Variants in SLC22A15 observed in about 807,000 individuals in gnomAD.
SLC22A15 encodes solute carrier family 22 member 15, also known as flipt 1.
SLC22A15 carries 45 observed loss-of-function variants against 62.7 expected under a neutral mutation model. The observed-to-expected ratio is 0.72, with a 90% CI of 0.56 to 0.92. The LOEUF (loss-of-function observed/expected upper bound fraction) is 0.92. SLC22A15 is among the 40% of genes least tolerant of loss of function. SLC22A15 has a pLI of 0.00. For missense variants in SLC22A15, 622 were observed against 665.6 expected, an observed-to-expected ratio of 0.93 and a Z score of 0.72; for synonymous variants, 264 against 267.0, an observed-to-expected ratio of 0.99 and a Z score of 0.11.
chr1:116,022,124 G>A (rs1656866015), intron 4 of SLC22A15, among the ~76,000 whole-genome samples: 1 of 152,166 alleles, frequency 6.6e-6, no homozygotes, highest in Non-Finnish European at 1.5e-5. Flanking sequence ...AGGCTGGAGA[G>A]GAAGAGACAC....
intron 2 of SLC22A15, among the ~76,000 whole-genome samples, chr1:115,996,848 T>C (rs1655452595): frequency 6.6e-6 from 1 of 152,160 alleles, no homozygotes; most frequent in Non-Finnish European, 1.5e-5. Flanking sequence ...GTCCATTTCA[T>C]CTAAGTTGTC....
At chr1:116,033,865 C>T (rs990938960) in intron 6 of SLC22A15, among the ~76,000 whole-genome samples, 2 of 152,152 alleles carry the variant, frequency 1.3e-5, no homozygotes, top group Non-Finnish European at 2.9e-5. Context: ...AATAACACTT[C>T]ATCTCAGTAA....
chr1:115,978,509 C>T (rs1412335058), intron 1 of SLC22A15, among the ~76,000 whole-genome samples: 1 of 152,126 alleles, frequency 6.6e-6, no homozygotes, highest in Non-Finnish European at 1.5e-5. Flanking sequence ...GATTGTTTAT[C>T]TTATAGATGT....
Position 116,068,942 on chromosome 1 carries a change from C to T in SLC22A15, c.*1834C>T, listed in dbSNP as rs188746863. The T allele has an allele frequency of 1.0e-3, 152 of 152,296 alleles. 1 individual carries two copies. Among genetic ancestry groups the T allele is most frequent in the African/African-American group, 3.4e-3 (140 of 41,558 alleles). The allele number at this position is 152,296 out of a possible 1,614,324, so 9.4% of individuals were successfully genotyped here. A position where few individuals can be genotyped will look rare whatever the true frequency, so the allele number is the denominator to read the frequency against. ...TTTGTATTATAAGAGTAATATATCT[C>T]ATTACAGAAAATTTGGAAACTATAA... On this transcript the variant is annotated 3_prime_UTR_variant, in exon 12 of 12. Coordinates refer to ENST00000369503, the MANE Select transcript of SLC22A15 (RefSeq NM_018420.3).
At chr1:116,047,870 A>G (rs1252518963) in intron 8 of SLC22A15, among the ~76,000 whole-genome samples, 3 of 152,180 alleles carry the variant, frequency 2.0e-5, no homozygotes, top group African/African-American at 7.2e-5. Flanking sequence ...AAGGAAATAG[A>G]TAGCTTAAAT....
chr1:115,986,841 A>T (rs908411675), intron 1 of SLC22A15, among the ~76,000 whole-genome samples: 2 of 152,230 alleles, frequency 1.3e-5, no homozygotes, highest in African/African-American at 2.4e-5. Context: ...AATGACTTGG[A>T]TAAAGATGTA....
intron 8 of SLC22A15, among the ~76,000 whole-genome samples, chr1:116,038,126 G>A (rs1657681702): frequency 6.6e-6 from 1 of 152,098 alleles, no homozygotes; most frequent in Admixed American, 6.6e-5. Flanking sequence ...TTTCTAGAAG[G>A]AGGAGTGAGT....
chr1:116,048,247 A>C (rs934721279), intron 8 of SLC22A15, among the ~76,000 whole-genome samples: 10 of 152,234 alleles, frequency 6.6e-5, no homozygotes, highest in African/African-American at 2.4e-4. Context: ...TGGGAAGTTC[A>C]TCACAAAAAG....
chr1:116,036,495 C>A (rs1219761398), intron 7 of SLC22A15, among the ~76,000 whole-genome samples: 1 of 152,092 alleles, frequency 6.6e-6, no homozygotes, highest in Non-Finnish European at 1.5e-5. Context: ...GGAATGCTAC[C>A]TTTGTGACCA....
At chr1:116,056,415 C>G (rs1363731311) in intron 8 of SLC22A15, among the ~76,000 whole-genome samples, 2 of 149,096 alleles carry the variant, frequency 1.3e-5, no homozygotes, top group Admixed American at 6.7e-5. Flanking sequence ...AGGATACAAA[C>G]AAATGGAAGA....
chr1:115,977,173 C>T lies in SLC22A15; in HGVS notation c.87+459C>T, dbSNP rs988147990. 9.9e-5 allele frequency among the ~76,000 whole-genome samples: 15 copies of T among 152,194 alleles called. 1 individual carries two copies. The highest frequency in any genetic ancestry group is 9.8e-4 in the Admixed American group (15 of 15,282). ...CAAAAGGTTGTGTCTAGGATCGCCT[C>T]CCTCTGCGCCGGGTGTCCTCTGCCT... On this transcript the variant is annotated intron_variant, in intron 1 of 11. Coordinates refer to ENST00000369503, the MANE Select transcript of SLC22A15 (RefSeq NM_018420.3).
intron 8 of SLC22A15, among the ~76,000 whole-genome samples, chr1:116,043,374 C>T (rs1657843950): frequency 6.6e-6 from 1 of 151,950 alleles, no homozygotes; most frequent in African/African-American, 2.4e-5. Flanking sequence ...TGCAGTGAGC[C>T]GAGATTGCAC....
intron 1 of SLC22A15, among the ~76,000 whole-genome samples, chr1:115,987,280 C>T (rs1202319319): frequency 6.6e-6 from 1 of 151,756 alleles, no homozygotes; most frequent in Non-Finnish European, 1.5e-5. Context: ...ATTCTCCTGC[C>T]TCAGCCTCCC....
At chr1:115,984,624 A>G (rs542076304) in intron 1 of SLC22A15, among the ~76,000 whole-genome samples, 1 of 152,316 alleles carries the variant, frequency 6.6e-6, no homozygotes, top group South Asian at 2.1e-4. Flanking sequence ...ACTTGCAAAA[A>G]AAAGTTAACT....
intron 5 of SLC22A15, among the ~76,000 whole-genome samples, chr1:116,030,732 C>T (rs1160939562): frequency 2.0e-5 from 3 of 152,186 alleles, no homozygotes; most frequent in Middle Eastern, 3.4e-3. Context: ...ATCCTCAGGA[C>T]ATATTAAAGC....
Position 116,018,300 on chromosome 1 carries a change from G to A in SLC22A15, c.301-1282G>A, listed in dbSNP as rs566572070. ...TTCTGTGTCTGGCTTATTTCATACA[G>A]TATAATGTCTTCAGAGTTTAGGTTG... On this transcript the variant is annotated intron_variant, in intron 2 of 11. Transcript: ENST00000369503. Among the ~76,000 whole-genome samples, 24 of 152,172 alleles carry A rather than the reference G, an allele frequency of 1.6e-4. No individual in the cohort carries two copies. In the South Asian group the frequency reaches 4.4e-3, roughly 28 times the overall value.
At chr1:116,024,753 A>T (rs1363001031) in intron 4 of SLC22A15, among the ~76,000 whole-genome samples, 2 of 152,160 alleles carry the variant, frequency 1.3e-5, no homozygotes, top group African/African-American at 4.8e-5. Flanking sequence ...TCCTCTGCAT[A>T]GTCACAGACA....
intron 1 of SLC22A15, among the ~76,000 whole-genome samples, chr1:115,989,087 C>G (rs940294759): frequency 2.7e-5 from 4 of 149,760 alleles, no homozygotes; most frequent in Non-Finnish European, 5.9e-5. Context: ...AGCTGTGGAC[C>G]TGTGTGTTCT....
intron 8 of SLC22A15, among the ~76,000 whole-genome samples, chr1:116,061,423 A>G (rs1658375513): frequency 6.6e-6 from 1 of 152,146 alleles, no homozygotes; most frequent in African/African-American, 2.4e-5. Context: ...ATGAGAGGCA[A>G]TTACATTTGG....
Sources: gnomAD v4.1 joint callset for allele counts (sites outside exome capture counted in the v4.1 genomes callset) on GRCh38, gnomAD v4.1.1 for gene constraint, MANE v1.5 for transcripts, NCBI Gene and HGNC (gene_info 2026-07-23, HGNC 2026-07-21) for gene names.